CHD8: variants seen among roughly 807,000 people sequenced by gnomAD.
CHD8 encodes the protein chromodomain helicase DNA binding protein 8.
In CHD8, 31 loss-of-function variants were observed where a neutral mutation model predicts 279.2. That is an observed-to-expected ratio of 0.11 (90% CI 0.08 to 0.15). CHD8 has a LOEUF of 0.15. CHD8 is among the 10% of genes least tolerant of loss of function. The probability of loss-of-function intolerance (pLI) is 1.00; values close to 1 mark genes in which losing one functional copy is unlikely to be tolerated. For missense variants in CHD8, 2,146 were observed against 3,230.5 expected (o/e 0.66, Z 8.14); for synonymous variants, 1,081 against 1,139.6 (o/e 0.95, Z 1.04).
intron 1 of CHD8, among the ~76,000 whole-genome samples, chr14:21,444,412 T>G (rs1890062623): frequency 6.6e-6 from 1 of 152,224 alleles, no homozygotes. Flanking sequence ...TCTAGCTCTC[T>G]CTCCCTTTAT....
In CHD8 at chr14:21,408,026, G is replaced by C. The variant is rs1225016590; in HGVS notation, c.2730+286C>G. On this transcript the variant is annotated intron_variant, in intron 13 of 37. Coordinates refer to ENST00000646647, the MANE Select transcript of CHD8 (RefSeq NM_001170629.2). This position sits in a 1 kb window ranked among gnomAD's most constrained non-coding sequence, Gnocchi z 4.3. ...AGGAATTTAATTTTTGTAAAATACT[G>C]TGATTAAAATTCATTGATGCTGACA... is the stretch of plus-strand genomic sequence containing the variant. 6.6e-6 allele frequency among the ~76,000 whole-genome samples: 1 copy of C among 152,150 alleles called. No homozygotes were observed. The highest frequency in any genetic ancestry group is 1.5e-5 in the Non-Finnish European group (1 of 68,034).
intron 5 of CHD8, among the ~76,000 whole-genome samples, chr14:21,417,740 G>C (rs1029470753): frequency 1.3e-5 from 2 of 151,252 alleles, no homozygotes; most frequent in Admixed American, 6.6e-5. Context: ...TGTAGTCCCC[G>C]CTACTCGGGA....
chr14:21,385,305 G>C lies in CHD8; in HGVS notation c.*308C>G. 2.8e-6 allele frequency: 1 copy of C among 358,836 alleles called. No individual in the cohort carries two copies. The highest frequency in any genetic ancestry group is 5.0e-6 in the Non-Finnish European group (1 of 198,704). 22.2% of individuals were successfully genotyped at this position (358,836 alleles called of 1,614,324 possible). A position where few individuals can be genotyped will look rare whatever the true frequency, so the allele number is the denominator to read the frequency against. On this transcript the variant is annotated 3_prime_UTR_variant, in exon 38 of 38. Transcript: ENST00000646647. The stretch of plus-strand genomic sequence containing the variant: ...AGGAACAGGCTCTGCCAGAGGCTAG[G>C]GCCAGCGCTACATAGTCTGTGGTTA...
At chr14:21,455,529 A>G (rs1207977164) in intron 1 of CHD8, among the ~76,000 whole-genome samples, 1 of 152,158 alleles carries the variant, frequency 6.6e-6, no homozygotes, top group Non-Finnish European at 1.5e-5. Context: ...CACAGAACTT[A>G]CACCTGAGAA....
intron 33 of CHD8, 27 bp from the exon 34 acceptor site, chr14:21,392,836 T>C (rs1408590255): frequency 6.2e-7 from 1 of 1,606,096 alleles, no homozygotes; most frequent in African/African-American, 1.3e-5. Flanking sequence ...AGAAATACCA[T>C]TTTAAGAGTC....
intron 1 of CHD8, among the ~76,000 whole-genome samples, chr14:21,434,789 C>T (rs1232936324): frequency 6.6e-6 from 1 of 152,122 alleles, no homozygotes; most frequent in Non-Finnish European, 1.5e-5. Context: ...TTAAACTGTC[C>T]TTGACTCTTA....
At position 21,400,031 on chromosome 14, in the gene CHD8, C is replaced by G; in HGVS notation, c.4767G>C (p.Gln1589His). The G allele has an allele frequency of 6.2e-7, 1 of 1,613,744 alleles. No homozygotes were observed. Among genetic ancestry groups the G allele is most frequent in the South Asian group, 1.1e-5 (1 of 91,084 alleles). ...TTTCTGCTTGGTCTCCAATAACCTC[C>G]TGCCTCAGGTAGTATAGCATTCGTA... ...LRVRMLYYLR[Q>H]EVIGDQAEKV... The change falls in exon 25 of 38, where the codon CAG becomes CAC. Residue 1589 changes from glutamine (Q) to histidine (H), a missense_variant. Physicochemically the swap from Gln to His is conservative, Grantham distance 24 (BLOSUM62 0). Transcript: ENST00000646647. This position sits in a 1 kb window ranked among gnomAD's most constrained non-coding sequence, Gnocchi z 4.2.
At position 21,392,692 on chromosome 14, in the gene CHD8, G is replaced by A; in HGVS notation, c.6586C>T (p.His2196Tyr). Residue 2196 changes from histidine to tyrosine, a missense_variant, in exon 34 of 38, where the codon CAC becomes TAC. By Grantham distance (83) the His-to-Tyr change is moderately conservative. Around this residue, in one of 26 missense-constraint regions of CHD8, gnomAD observed 513 missense variants for 637.6 expected, o/e 0.80. Transcript: ENST00000646647. ...VTGGILGPGN[H>Y]LLDSPSLTPG... Reference sequence around the variant, plus strand: ...GTCAATGAGGGACTGTCTAGCAAGTGGTTGCCTGGCCCCAAAATTCCTCCT... The same window carrying A: ...GTCAATGAGGGACTGTCTAGCAAGTAGTTGCCTGGCCCCAAAATTCCTCCT... The A allele has an allele frequency of 6.2e-7, 1 of 1,613,982 alleles. No homozygotes were observed. The highest frequency in any genetic ancestry group is 8.5e-7 in the Non-Finnish European group (1 of 1,179,880).
chr14:21,451,725 A>G (rs556870375), intron 1 of CHD8, among the ~76,000 whole-genome samples: 1 of 152,234 alleles, frequency 6.6e-6, no homozygotes, highest in Non-Finnish European at 1.5e-5. Context: ...AAGGCAACAA[A>G]TAAGATATTT....
chr14:21,417,845 C>T (rs1236276461), intron 5 of CHD8, among the ~76,000 whole-genome samples: 2 of 83,872 alleles, frequency 2.4e-5, no homozygotes, highest in Non-Finnish European at 4.7e-5. Flanking sequence ...CACAGTGAGA[C>T]TCTCTCAAAA....
intron 1 of CHD8, among the ~76,000 whole-genome samples, chr14:21,444,877 C>T (rs1890074181): frequency 6.6e-6 from 1 of 152,098 alleles, no homozygotes; most frequent in Non-Finnish European, 1.5e-5. Flanking sequence ...GCTTATGTCT[C>T]TCATATCTCT....
At chr14:21,396,927 G>A (rs918969009) in intron 27 of CHD8, 2 of 154,092 alleles carry the variant, frequency 1.3e-5, no homozygotes, top group African/African-American at 4.8e-5. Flanking sequence ...AAAACTTTGG[G>A]TCAGTCTGGT....
chr14:21,394,522 A>T (rs762090010), intron 30 of CHD8, 37 bp from the exon 31 acceptor site: 16 of 1,409,406 alleles, frequency 1.1e-5, no homozygotes, highest in Non-Finnish European at 1.6e-5. Context: ...TAATCAGAAG[A>T]ACACATCAGA....
chr14:21,429,819 T>A (rs972770931), intron 2 of CHD8: 3 of 229,590 alleles, frequency 1.3e-5, no homozygotes, highest in Non-Finnish European at 2.7e-5. Context: ...ATTTTTATTT[T>A]GCTTTTTTGT....
At chr14:21,451,526 C>T (rs751494804) in intron 1 of CHD8, among the ~76,000 whole-genome samples, 24 of 140,022 alleles carry the variant, frequency 1.7e-4, no homozygotes, top group African/African-American at 2.4e-4. Flanking sequence ...GAGCCGAGAT[C>T]GCTCCATTGT....
intron 5 of CHD8, among the ~76,000 whole-genome samples, chr14:21,417,406 T>C (rs1888772116): frequency 6.6e-6 from 1 of 151,836 alleles, no homozygotes; most frequent in Non-Finnish European, 1.5e-5. Context: ...TAAAACTGAA[T>C]ACTACAGAAC....
chr14:21,427,284 G>C lies in CHD8; in HGVS notation c.1601+585C>G, dbSNP rs1421977887. 1.0e-5 allele frequency: 3 copies of C among 297,022 alleles called. No individual in the cohort carries two copies. In the South Asian group the frequency reaches 2.4e-4, roughly 24 times the overall value. The allele number at this position is 297,022 out of a possible 1,614,324, so 18.4% of individuals were successfully genotyped here. A position where few individuals can be genotyped will look rare whatever the true frequency, so the allele number is the denominator to read the frequency against. On this transcript the variant is annotated intron_variant, in intron 4 of 37. Coordinates refer to ENST00000646647, the MANE Select transcript of CHD8 (RefSeq NM_001170629.2). ...GCAAGGAGTACTCAATCTTGAGCTT[G>C]CTCTTGCCCGTCCCATCCCAATAGC...
Position 21,386,160 on chromosome 14 carries a change from G to A in CHD8, c.7199C>T (p.Thr2400Met), listed in dbSNP as rs753527616. 1.5e-5 allele frequency: 23 copies of A among 1,551,872 alleles called. No homozygotes were observed. Among genetic ancestry groups the A allele is most frequent in the Admixed American group, 3.9e-5 (2 of 51,000 alleles). The change falls in exon 38 of 38, where the codon ACG becomes ATG. Residue 2400 changes from threonine (T) to methionine (M), a missense_variant. By Grantham distance (81) the Thr-to-Met change is moderately conservative (BLOSUM62 -1). Around this residue, in one of 26 missense-constraint regions of CHD8, gnomAD observed 336 missense variants for 392.9 expected, o/e 0.86. Transcript: ENST00000646647. Reference sequence around the variant, plus strand: ...CCCTGGCAAAACCCGGTTGAACACCGTTTCAGTGTGATGACCCTAGGAGGA... The same window carrying A: ...CCCTGGCAAAACCCGGTTGAACACCATTTCAGTGTGATGACCCTAGGAGGA... ...RNGKKGHHTE[T>M]VFNRVLPGPI...
intron 1 of CHD8, among the ~76,000 whole-genome samples, chr14:21,450,950 T>C (rs1354593533): frequency 6.6e-6 from 1 of 152,146 alleles, no homozygotes; most frequent in African/African-American, 2.4e-5. Flanking sequence ...TCTGGTAATT[T>C]CAGTAGCATG....
Sources: gnomAD v4.1 joint callset for allele counts (sites outside exome capture counted in the v4.1 genomes callset) on GRCh38, gnomAD v4.1.1 for gene constraint, gnomAD v4.1.1 regional missense constraint, Gnocchi (gnomAD v3.1) non-coding constraint, MANE v1.5 for transcripts, NCBI Gene and HGNC (gene_info 2026-07-23, HGNC 2026-07-21) for gene names.